Variants in SGK1 observed in about 807,000 individuals in gnomAD.
SGK1 encodes the protein serine/threonine-protein kinase Sgk1.
SGK1 carries 26 observed loss-of-function variants against 64.2 expected under a neutral mutation model. The ratio of observed to expected loss-of-function variants is 0.40; its 90% CI spans 0.30 to 0.56. The LOEUF is 0.56. SGK1 is among the 20% of genes least tolerant of loss of function. The pLI is 0.38. For missense variants in SGK1, 519 were observed against 645.6 expected (o/e 0.80, Z 2.12); for synonymous variants, 265 against 239.7 (o/e 1.11, Z -0.98).
At chr6:134,260,625 T>G (rs1172821970) in intron 2 of SGK1, 1 of 146,808 alleles carries the variant, frequency 6.8e-6, no homozygotes, top group Non-Finnish European at 1.5e-5. Flanking sequence ...TGAGCCGAGA[T>G]CGTGCCATTG....
At chr6:134,302,844 T>A (rs1223734975) in intron 1 of SGK1, among the ~76,000 whole-genome samples, 1 of 151,856 alleles carries the variant, frequency 6.6e-6, no homozygotes, top group Non-Finnish European at 1.5e-5. Flanking sequence ...AACCTCCACC[T>A]CCCGGGTTCA....
chr6:134,299,102 A>C (rs1777407173), intron 1 of SGK1, among the ~76,000 whole-genome samples: 2 of 151,848 alleles, frequency 1.3e-5, no homozygotes, highest in Admixed American at 1.3e-4. Context: ...CCCAGCTCTC[A>C]GCTCTTAATT....
At chr6:134,180,884 AAAAG>A (rs1562242543) in intron 3 of SGK1, among the ~76,000 whole-genome samples, 1 of 152,074 alleles carries the variant, frequency 6.6e-6, no homozygotes, top group Non-Finnish European at 1.5e-5. Flanking sequence ...AAAAAAAAAA[AAAAG>A]GACTCTGGCC....
intron 1 of SGK1, among the ~76,000 whole-genome samples, chr6:134,294,819 C>T (rs188479035): frequency 1.8e-3 from 267 of 152,314 alleles, no homozygotes; most frequent in Non-Finnish European, 3.1e-3. Context: ...TGAGCTACCA[C>T]GCCCAGCCAG....
intron 1 of SGK1, among the ~76,000 whole-genome samples, chr6:134,287,285 T>A (rs969156993): frequency 6.6e-6 from 1 of 152,216 alleles, no homozygotes; most frequent in Admixed American, 6.5e-5. Context: ...GAGAATTATA[T>A]GTTATAGAGT....
intron 2 of SGK1, 106 bp downstream of exon 2, chr6:134,261,827 T>G: frequency 1.3e-6 from 1 of 791,024 alleles, no homozygotes. Flanking sequence ...GCTTTATAAA[T>G]ATGCATTAAA....
Position 134,262,109 on chromosome 6 carries a change from T to G in SGK1, c.109A>C (p.Lys37Gln). 2 of 1,607,632 alleles carry G rather than the reference T, an allele frequency of 1.2e-6. No individual in the cohort carries two copies. Among genetic ancestry groups the G allele is most frequent in the Non-Finnish European group, 1.7e-6 (2 of 1,174,982 alleles). Residue 37 changes from lysine (K) to glutamine (Q), a missense_variant, in exon 2 of 14, where the codon AAG becomes CAG. Coordinates refer to ENST00000367858, the MANE Select transcript of SGK1 (RefSeq NM_001143676.3). ...TACTTCAGGCTGGGACTCTGATGCT[T>G]GTCCACACTGACCATTGGGCTCTTG... is the stretch of plus-strand genomic sequence containing the variant. ...WIKSPMVSVD[K>Q]HQSPSLKYTG...
In SGK1 at chr6:134,193,199, C is replaced by A. The variant is rs930271874; in HGVS notation, c.361+14157G>T. On this transcript the variant is annotated intron_variant, in intron 3 of 13. Coordinates refer to ENST00000367858, the MANE Select transcript of SGK1 (RefSeq NM_001143676.3). ...CTTGAATCTCTACCTGATTGCAGCT[C>A]AGCTTAGTATGTTCACAAACTGAAA... Among the ~76,000 whole-genome samples, 7 of 152,288 alleles carry A rather than the reference C, an allele frequency of 4.6e-5. No individual in the cohort carries two copies. The South Asian group carries it at 1.2e-3, about 27-fold the overall frequency.
rs976095279 is a variant in SGK1 at position 134,190,055 on chromosome 6, G to A, written c.362-15469C>T. Among the ~76,000 whole-genome samples, 3 of 152,110 alleles carry A rather than the reference G, an allele frequency of 2.0e-5. No individual in the cohort carries two copies. In the East Asian group the frequency reaches 5.8e-4, roughly 29 times the overall value. ...AGTAGAGACATGGTTTCACCATGTT[G>A]GCCAGGCTGGTCTTAAACTCCTGAC... On this transcript the variant is annotated intron_variant, in intron 3 of 13. Transcript: ENST00000367858.
rs181270424 is a variant in SGK1 at position 134,240,270 on chromosome 6, C to T, written c.285+21663G>A. ...TCACGCCACTGCACTCCAGCCTGGGCGACAGAGTGAGACTCCATCTCAAAA... is the reference window on the plus strand; with the variant it reads ...TCACGCCACTGCACTCCAGCCTGGGTGACAGAGTGAGACTCCATCTCAAAA... On this transcript the variant is annotated intron_variant, in intron 2 of 13. Coordinates refer to ENST00000367858, the MANE Select transcript of SGK1 (RefSeq NM_001143676.3). Among the ~76,000 whole-genome samples the T allele has an allele frequency of 0.012, 1,407 of 117,826 alleles. 71 individuals carry two copies. The Admixed American group carries it at 0.13, about 11-fold the overall frequency. 77.3% of individuals were successfully genotyped at this position (117,826 alleles called of 152,430 possible). A position where few individuals can be genotyped will look rare whatever the true frequency, so the allele number is the denominator to read the frequency against.
chr6:134,301,578 CTTCTCTTCCCTTCT>C (rs1276652975), intron 1 of SGK1, among the ~76,000 whole-genome samples: 22 of 108,160 alleles, frequency 2.0e-4, no homozygotes, highest in South Asian at 5.2e-4. Flanking sequence ...CTTCTCTTCT[CTTCTCTTCCCTTCT>C]CTTCTCTTTT....
intron 2 of SGK1, among the ~76,000 whole-genome samples, chr6:134,214,001 T>G (rs1775936011): frequency 6.6e-6 from 1 of 152,204 alleles, no homozygotes; most frequent in Non-Finnish European, 1.5e-5. Context: ...GCTAATCTTA[T>G]TTTTACCTAT....
chr6:134,271,606 G>GT lies in SGK1; in HGVS notation c.70-9459dup, dbSNP rs1467589114. Among the ~76,000 whole-genome samples the GT allele has an allele frequency of 5.3e-4, 78 of 146,700 alleles. 4 individuals are homozygous for GT. Among genetic ancestry groups the GT allele is most frequent in the Non-Finnish European group, 7.5e-4 (50 of 66,312 alleles). ...CCTCCAAGAAATCCCCTTTTCCAGTGTTTTTTTTGTTTGTTTATTTTAGGT... is the reference window on the plus strand; with the variant it reads ...CCTCCAAGAAATCCCCTTTTCCAGTGTTTTTTTTTGTTTGTTTATTTTAGGT... On this transcript the variant is annotated intron_variant, in intron 1 of 13. Coordinates refer to ENST00000367858, the MANE Select transcript of SGK1 (RefSeq NM_001143676.3).
At chr6:134,238,451 T>G (rs932954555) in intron 2 of SGK1, among the ~76,000 whole-genome samples, 1 of 152,178 alleles carries the variant, frequency 6.6e-6, no homozygotes, top group Non-Finnish European at 1.5e-5. Flanking sequence ...GCAACTGCTC[T>G]CCACATGGCA....
chr6:134,283,321 T>A (rs1777123683), intron 1 of SGK1: 1 of 151,666 alleles, frequency 6.6e-6, no homozygotes, highest in Admixed American at 6.6e-5. Flanking sequence ...TGAAACCCCG[T>A]CTCTACTAAA....
intron 2 of SGK1, chr6:134,260,666 C>CA (rs5880209): frequency 6.6e-4 from 83 of 125,104 alleles, no homozygotes; most frequent in African/African-American, 1.3e-3. Flanking sequence ...GAGTGAAACT[C>CA]AAAAAAAAAA....
chr6:134,312,277 T>C, intron 1 of SGK1, among the ~76,000 whole-genome samples: 1 of 152,182 alleles, frequency 6.6e-6, no homozygotes, highest in Non-Finnish European at 1.5e-5. Flanking sequence ...AATAATGTTA[T>C]CCCTCTGAGA....
intron 3 of SGK1, among the ~76,000 whole-genome samples, chr6:134,197,932 A>G (rs1006451450): frequency 2.6e-5 from 4 of 151,566 alleles, no homozygotes; most frequent in Non-Finnish European, 4.4e-5. Context: ...ATAAAATAGC[A>G]AAAATAGTCC....
intron 3 of SGK1, among the ~76,000 whole-genome samples, chr6:134,196,909 TA>T (rs906870704): frequency 6.6e-6 from 1 of 152,150 alleles, no homozygotes; most frequent in African/African-American, 2.4e-5. Flanking sequence ...TGATTGTGCA[TA>T]TACCATGGAC....
Sources: gnomAD v4.1 joint callset for allele counts (sites outside exome capture counted in the v4.1 genomes callset) on GRCh38, gnomAD v4.1.1 for gene constraint, MANE v1.5 for transcripts, NCBI Gene and HGNC (gene_info 2026-07-23, HGNC 2026-07-21) for gene names.